CHST11: variants seen among roughly 807,000 people sequenced by gnomAD.
CHST11 encodes the protein C4S-1.
CHST11 carries 9 observed loss-of-function variants against 30.4 expected under a neutral mutation model. The ratio of observed to expected loss-of-function variants is 0.30; its 90% CI spans 0.18 to 0.52. The LOEUF (loss-of-function observed/expected upper bound fraction) is 0.52, where lower values mean the gene tolerates loss of function less well. Among genes scored for constraint, CHST11 ranks in the 20% least tolerant of loss-of-function variants. The pLI, the probability that CHST11 is intolerant of heterozygous loss-of-function variation, is 0.97. For missense variants in CHST11, 348 were observed against 460.6 expected (o/e 0.76, Z 2.24); for synonymous variants, 152 against 187.8 (o/e 0.81, Z 1.56).
At chr12:104,740,811 G>C (rs190961925) in intron 2 of CHST11, among the ~76,000 whole-genome samples, 1 of 152,084 alleles carries the variant, frequency 6.6e-6, no homozygotes, top group Admixed American at 6.6e-5. Context: ...TCATGTCCTC[G>C]GCCATGGCCT....
At chr12:104,692,245 C>T (rs562936100) in intron 2 of CHST11, among the ~76,000 whole-genome samples, 51 of 152,304 alleles carry the variant, frequency 3.3e-4, no homozygotes, top group African/African-American at 1.2e-3. Context: ...ACAGCTGCTC[C>T]GACGCATGCA....
At chr12:104,553,713 A>G (rs569664410) in intron 1 of CHST11, among the ~76,000 whole-genome samples, 1 of 152,254 alleles carries the variant, frequency 6.6e-6, no homozygotes, top group African/African-American at 2.4e-5. Flanking sequence ...TCACCTTCCA[A>G]TGTTAGGTTC....
intron 1 of CHST11, among the ~76,000 whole-genome samples, chr12:104,565,370 G>A (rs538963726): frequency 9.5e-5 from 14 of 147,844 alleles, no homozygotes; most frequent in South Asian, 2.2e-4. Context: ...AGGTTCAAGC[G>A]ATTCTCCTGC....
chr12:104,676,258 G>C lies in CHST11; in HGVS notation c.204+74267G>C, dbSNP rs2039742046. On this transcript the variant is annotated intron_variant, in intron 2 of 2. Transcript: ENST00000303694. The surrounding 1 kb of genome is among the most constrained non-coding windows in gnomAD (Gnocchi z 4.4). Reference sequence around the variant, plus strand: ...GTCTGAAATGGGTCTCCTGGGGCAAGAATCAAGGTGTCCGCAGAAATGAGT... The same window carrying C: ...GTCTGAAATGGGTCTCCTGGGGCAACAATCAAGGTGTCCGCAGAAATGAGT... Among the ~76,000 whole-genome samples, 1 of 152,198 alleles carries C rather than the reference G, an allele frequency of 6.6e-6. No homozygotes were observed. Among genetic ancestry groups the C allele is most frequent in the Non-Finnish European group, 1.5e-5 (1 of 68,042 alleles).
chr12:104,605,089 A>G (rs1411102440), intron 2 of CHST11, among the ~76,000 whole-genome samples: 1 of 144,750 alleles, frequency 6.9e-6, no homozygotes, highest in African/African-American at 2.5e-5. Flanking sequence ...CTTTACCTCT[A>G]TGCTGTCTGT....
chr12:104,656,468 G>A (rs866942328), intron 2 of CHST11, among the ~76,000 whole-genome samples: 1 of 152,142 alleles, frequency 6.6e-6, no homozygotes. Flanking sequence ...TCCGTCTCAG[G>A]TGGCCACAGT....
chr12:104,684,288 A>ATGGT (rs2039825269), intron 2 of CHST11, among the ~76,000 whole-genome samples: 1 of 151,922 alleles, frequency 6.6e-6, no homozygotes, highest in Non-Finnish European at 1.5e-5. Flanking sequence ...GGATGGATGG[A>ATGGT]TGGATGGATG....
At chr12:104,691,192 A>C (rs2039893279) in intron 2 of CHST11, among the ~76,000 whole-genome samples, 1 of 152,148 alleles carries the variant, frequency 6.6e-6, no homozygotes, top group Admixed American at 6.5e-5. Flanking sequence ...GTGCCCAATA[A>C]GGCACGGGAA....
intron 2 of CHST11, among the ~76,000 whole-genome samples, chr12:104,622,248 C>A (rs2039167253): frequency 1.3e-5 from 2 of 152,308 alleles, no homozygotes; most frequent in South Asian, 4.2e-4. Flanking sequence ...CTTTGACAAC[C>A]ACACATTCAA....
intron 1 of CHST11, among the ~76,000 whole-genome samples, chr12:104,576,397 T>C (rs1207191262): frequency 6.6e-6 from 1 of 152,114 alleles, no homozygotes; most frequent in African/African-American, 2.4e-5. Context: ...GGTGCAGTGA[T>C]GCAAAATGTG....
In CHST11 at chr12:104,757,266, C is replaced by G. The variant is rs745785558; in HGVS notation, c.522C>G (p.His174Gln). 8.7e-6 allele frequency: 14 copies of G among 1,614,048 alleles called. No homozygotes were observed. The highest frequency in any genetic ancestry group is 1.2e-5 in the Non-Finnish European group (14 of 1,180,054). The part of the protein sequence containing the change: ...LNQYSIPEIN[H>Q]RLKSYMKFLF... ...AGTACAGCATCCCAGAAATCAACCA[C>G]CGCTTGAAAAGCTACATGAAGTTCC... The change falls in exon 3 of 3, where the codon CAC becomes CAG. Residue 174 changes from histidine to glutamine, a missense_variant. Coordinates refer to ENST00000303694, the MANE Select transcript of CHST11 (RefSeq NM_018413.6). This position sits in a 1 kb window ranked among gnomAD's most constrained non-coding sequence, Gnocchi z 6.5.
intron 1 of CHST11, among the ~76,000 whole-genome samples, chr12:104,476,311 T>C (rs1196238137): frequency 6.6e-6 from 1 of 150,826 alleles, no homozygotes; most frequent in African/African-American, 2.4e-5. Context: ...AATATATACA[T>C]ATGTTATACA....
At chr12:104,564,657 T>C (rs1216535913) in intron 1 of CHST11, among the ~76,000 whole-genome samples, 1 of 152,234 alleles carries the variant, frequency 6.6e-6, no homozygotes, top group East Asian at 1.9e-4. Context: ...TCCCCAAGTC[T>C]GCCTAAGGAT....
chr12:104,644,486 A>G (rs2039407528), intron 2 of CHST11, among the ~76,000 whole-genome samples: 1 of 152,184 alleles, frequency 6.6e-6, no homozygotes, highest in Admixed American at 6.5e-5. Context: ...CCCTGCTTGC[A>G]TCTGCCAAAA....
At chr12:104,562,289 C>T (rs2038521271) in intron 1 of CHST11, among the ~76,000 whole-genome samples, 1 of 152,122 alleles carries the variant, frequency 6.6e-6, no homozygotes, top group African/African-American at 2.4e-5. Context: ...GGAAAACCAG[C>T]TCTAGGTGGA....
intron 1 of CHST11, among the ~76,000 whole-genome samples, chr12:104,465,184 T>C (rs1029628973): frequency 1.3e-5 from 2 of 152,212 alleles, no homozygotes; most frequent in Admixed American, 6.5e-5. Context: ...TCCTCCAAGA[T>C]GCAGAGTCTG....
At chr12:104,518,838 C>G (rs1422720873) in intron 1 of CHST11, among the ~76,000 whole-genome samples, 1 of 152,092 alleles carries the variant, frequency 6.6e-6, no homozygotes, top group African/African-American at 2.4e-5. Flanking sequence ...TTGCCTTAAA[C>G]AAAAGAAGCA....
chr12:104,731,227 A>G (rs1469371900), intron 2 of CHST11, among the ~76,000 whole-genome samples: 3 of 152,208 alleles, frequency 2.0e-5, no homozygotes, highest in East Asian at 1.9e-4. Context: ...GGGTGAATGT[A>G]TCTATCACCC....
intron 2 of CHST11, among the ~76,000 whole-genome samples, chr12:104,643,651 C>CAT (rs1159069605): frequency 6.7e-6 from 1 of 149,820 alleles, no homozygotes; most frequent in Non-Finnish European, 1.5e-5. Context: ...CACACACACA[C>CAT]ACACACAAAG....
Sources: allele counts gnomAD v4.1 joint callset (sites outside exome capture counted in the v4.1 genomes callset), GRCh38; gene constraint gnomAD v4.1.1; non-coding constraint Gnocchi (gnomAD v3.1); transcripts MANE v1.5; gene names NCBI Gene and HGNC (gene_info 2026-07-23, HGNC 2026-07-21).